ABCG8: variants seen among roughly 807,000 people sequenced by gnomAD.
The protein encoded by ABCG8 is ATP binding cassette subfamily G member 8, also known as ATP-binding cassette sub-family G member 8.
In ABCG8, 81 loss-of-function variants were observed where a neutral mutation model predicts 71.3. That is an observed-to-expected ratio of 1.14 (90% CI 0.95 to 1.37). ABCG8 has a LOEUF of 1.37. Among genes scored for constraint, ABCG8 ranks in the 40% most tolerant of loss-of-function variants. The pLI is 0.00. For missense variants in ABCG8, 1,119 were observed against 866.2 expected (o/e 1.29, Z -3.66); for synonymous variants, 451 against 354.7 (o/e 1.27, Z -3.05).
chr2:43,839,404 T>TCTC (rs1668485335), intron 1 of ABCG8, among the ~76,000 whole-genome samples: 2 of 2,976 alleles, frequency 6.7e-4, no homozygotes, highest in African/African-American at 2.7e-3. Flanking sequence ...TTTTCTTCTC[T>TCTC]TTTTTTTTTT....
At chr2:43,846,987 C>T (rs901343127) in intron 3 of ABCG8, 10 of 100,826 alleles carry the variant, frequency 9.9e-5, no homozygotes, top group Non-Finnish European at 1.6e-4. Flanking sequence ...TGCACGCGCG[C>T]GTGCACACAC....
At chr2:43,874,147 TAAA>T (rs1244866905) in intron 9 of ABCG8, among the ~76,000 whole-genome samples, 161 bp downstream of exon 9, 2 of 152,154 alleles carry the variant, frequency 1.3e-5, no homozygotes, top group African/African-American at 4.8e-5. Flanking sequence ...CAAATGAAAG[TAAA>T]TTACCGAGTC....
At chr2:43,840,091 C>T (rs1407306580) in intron 1 of ABCG8, among the ~76,000 whole-genome samples, 2 of 152,188 alleles carry the variant, frequency 1.3e-5, no homozygotes, top group Admixed American at 1.3e-4. Flanking sequence ...TCCCCACTCC[C>T]ACCACCTCAC....
At chr2:43,873,394 G>C (rs771034885) in intron 8 of ABCG8, among the ~76,000 whole-genome samples, 1 of 151,842 alleles carries the variant, frequency 6.6e-6, no homozygotes, top group African/African-American at 2.4e-5. Context: ...GTTTCTCCAC[G>C]TTGGCCAGGC....
intron 8 of ABCG8, 148 bp downstream of exon 8, chr2:43,872,454 G>A: frequency 1.1e-6 from 1 of 944,912 alleles, no homozygotes; most frequent in Non-Finnish European, 1.6e-6. Flanking sequence ...GGCGTTGGTG[G>A]CTTATGCCTG....
intron 6 of ABCG8, among the ~76,000 whole-genome samples, chr2:43,856,426 C>G (rs1669110049): frequency 6.6e-6 from 1 of 151,802 alleles, no homozygotes; most frequent in East Asian, 1.9e-4. Flanking sequence ...CTGTTAATAA[C>G]TGGATAGAAT....
At chr2:43,852,527 CG>C (rs1558811048) in intron 5 of ABCG8, 41 bp downstream of exon 5, 1 of 1,612,778 alleles carries the variant, frequency 6.2e-7, no homozygotes, top group Non-Finnish European at 8.5e-7. Context: ...GGGACCTGTG[CG>C]GTCCCCTCAG....
At position 43,839,057 on chromosome 2, in the gene ABCG8, G is replaced by A; in HGVS notation, c.4G>A (p.Ala2Thr). 6.4e-7 allele frequency: 1 copy of A among 1,551,058 alleles called. No individual in the cohort carries two copies. The highest frequency in any genetic ancestry group is 8.7e-7 in the Non-Finnish European group (1 of 1,146,794). ...GGGTCACAGACCTGTGGGCCCCATG[G>A]CCGGGAAGGCGGCAGAGGAGAGAGG... M[A>T]GKAAEERGLP... The change falls in exon 1 of 13, where the codon GCC becomes ACC. Residue 2 changes from alanine to threonine, a missense_variant. By Grantham distance (58) the Ala-to-Thr change is moderately conservative (BLOSUM62 0). Transcript: ENST00000272286.
intron 6 of ABCG8, among the ~76,000 whole-genome samples, chr2:43,869,999 A>C (rs947534250): frequency 1.3e-5 from 2 of 152,120 alleles, no homozygotes; most frequent in Admixed American, 1.3e-4. Flanking sequence ...ATCTATCTGG[A>C]TAGAATTCTC....
At chr2:43,854,927 T>C (rs1040629764) in intron 6 of ABCG8, among the ~76,000 whole-genome samples, 5 of 152,178 alleles carry the variant, frequency 3.3e-5, no homozygotes, top group African/African-American at 1.2e-4. Context: ...CAGGGGCTGA[T>C]CAGATTGGGT....
intron 4 of ABCG8, 101 bp downstream of exon 4, chr2:43,851,923 C>G (rs934097600): frequency 7.5e-7 from 1 of 1,338,752 alleles, no homozygotes; most frequent in Non-Finnish European, 1.1e-6. Context: ...AGCCGCAGGT[C>G]GAGTTTGAAC....
At position 43,877,551 on chromosome 2, in the gene ABCG8, C is replaced by T. The variant is rs1163878146; in HGVS notation, c.1757-10C>T. ...GGACACCTGTGAGTAACGCGGCTGT[C>T]TGTCTCCAGTGCCCGCGTGGATTTC... On this transcript the variant is annotated splice_polypyrimidine_tract_variant and intron_variant, in intron 11 of 12. Transcript: ENST00000272286. The T allele has an allele frequency of 1.2e-6, 2 of 1,613,508 alleles. No homozygotes were observed. Among genetic ancestry groups the T allele is most frequent in the African/African-American group, 1.3e-5 (1 of 74,864 alleles).
intron 6 of ABCG8, among the ~76,000 whole-genome samples, chr2:43,860,964 C>T (rs1287226853): frequency 6.6e-6 from 1 of 151,370 alleles, no homozygotes; most frequent in East Asian, 1.9e-4. Context: ...ATATAATTCT[C>T]ACTCTCTGGA....
chr2:43,875,224 C>T lies in ABCG8; in HGVS notation c.1567C>T (p.Pro523Ser). 2 of 1,614,236 alleles carry T rather than the reference C, an allele frequency of 1.2e-6. No individual in the cohort carries two copies. The highest frequency in any genetic ancestry group is 1.7e-6 in the Non-Finnish European group (2 of 1,180,046). The change falls in exon 11 of 13, where the codon CCA becomes TCA. Residue 523 changes from proline (P) to serine (S), a missense_variant. By Grantham distance (74) the Pro-to-Ser change is moderately conservative (BLOSUM62 -1). Transcript: ENST00000272286. ...MPTYWLANLR[P>S]GLQPFLLHFL... ...CACCTACTGGCTGGCCAACCTGAGGCCAGGCCTCCAGCCCTTCCTGCTGCA... is the reference window on the plus strand; with the variant it reads ...CACCTACTGGCTGGCCAACCTGAGGTCAGGCCTCCAGCCCTTCCTGCTGCA...
intron 6 of ABCG8, among the ~76,000 whole-genome samples, chr2:43,867,068 T>C (rs559764854): frequency 6.6e-6 from 1 of 151,816 alleles, no homozygotes; most frequent in Admixed American, 6.6e-5. Context: ...AAATTGGAAA[T>C]CATCATTCTC....
chr2:43,839,904 G>A (rs574565891), intron 1 of ABCG8, among the ~76,000 whole-genome samples: 18 of 152,282 alleles, frequency 1.2e-4, no homozygotes, highest in Admixed American at 3.3e-4. Flanking sequence ...ACAGGCAATC[G>A]TAAGTTCTGC....
chr2:43,874,303 C>T (rs1669882989), intron 9 of ABCG8, 104 bp from the exon 10 acceptor site: 1 of 1,043,234 alleles, frequency 9.6e-7, no homozygotes, highest in African/African-American at 1.6e-5. Context: ...GAGACTTGGG[C>T]AATATGATAA....
chr2:43,875,187 C>T lies in ABCG8; in HGVS notation c.1530C>T (p.Ile510=). Residue 510 remains isoleucine, a synonymous_variant, in exon 11 of 13, where the codon ATC becomes ATT. Transcript: ENST00000272286. ...CGGAGCACTGTGCCTACATCATCAT[C>T]TACGGGATGCCCACCTACTGGCTGG... ...ELPEHCAYII[I]YGMPTYWLAN... 1 of 1,614,236 alleles carries T rather than the reference C, an allele frequency of 6.2e-7. No individual in the cohort carries two copies. Among genetic ancestry groups the T allele is most frequent in the Non-Finnish European group, 8.5e-7 (1 of 1,180,050 alleles).
In ABCG8 at chr2:43,839,129, T is replaced by C; in HGVS notation, c.63+13T>C. On this transcript the variant is annotated intron_variant, in intron 1 of 12. Coordinates refer to ENST00000272286, the MANE Select transcript of ABCG8 (RefSeq NM_022437.3). ...CCAGGATACCTCGGTGAGTGAGCAA[T>C]GGGAAGTCGGCCCAGGCCTGGTGGG... 3 of 1,550,972 alleles carry C rather than the reference T, an allele frequency of 1.9e-6. No homozygotes were observed. The highest frequency in any genetic ancestry group is 2.6e-6 in the Non-Finnish European group (3 of 1,146,670).
Sources: allele counts gnomAD v4.1 joint callset (sites outside exome capture counted in the v4.1 genomes callset), GRCh38; gene constraint gnomAD v4.1.1; transcripts MANE v1.5; gene names NCBI Gene and HGNC (gene_info 2026-07-23, HGNC 2026-07-21).